VWA8: variants seen among roughly 807,000 people sequenced by gnomAD.
VWA8 encodes von Willebrand factor A domain containing 8.
In VWA8, 221 loss-of-function variants were observed where a neutral mutation model predicts 241.5. The observed-to-expected ratio is 0.91, with a 90% CI of 0.82 to 1.02. The LOEUF (loss-of-function observed/expected upper bound fraction) is 1.02. Among genes scored for constraint, VWA8 ranks in the 50% least tolerant of loss-of-function variants. The pLI, the probability that VWA8 is intolerant of heterozygous loss-of-function variation, is 0.00. For synonymous variants in VWA8, 852 were observed against 827.1 expected (o/e 1.03, Z -0.52); for missense variants, 2,322 against 2,328.7 (o/e 1.00, Z 0.06).
At chr13:41,842,611 C>G (rs185539557) in intron 12 of VWA8, among the ~76,000 whole-genome samples, 3 of 152,088 alleles carry the variant, frequency 2.0e-5, no homozygotes, top group Non-Finnish European at 4.4e-5. Context: ...GAAGTCAAAC[C>G]CACTATGTTG....
chr13:41,617,123 T>C (rs2044625978), intron 37 of VWA8, among the ~76,000 whole-genome samples: 1 of 152,112 alleles, frequency 6.6e-6, no homozygotes, highest in Admixed American at 6.5e-5. Flanking sequence ...ATACTATTTT[T>C]TTTTTTTCTT....
chr13:41,914,351 A>C, intron 2 of VWA8, among the ~76,000 whole-genome samples: 1 of 152,206 alleles, frequency 6.6e-6, no homozygotes, highest in East Asian at 1.9e-4. Context: ...CTTTTTAGCA[A>C]TCTATTAGGT....
intron 22 of VWA8, among the ~76,000 whole-genome samples, chr13:41,730,857 C>T (rs181889495): frequency 2.0e-5 from 3 of 151,746 alleles, no homozygotes; most frequent in Non-Finnish European, 4.4e-5. Context: ...TTATTTTAAA[C>T]CATATTTTTA....
At chr13:41,785,331 A>G (rs1203084689) in intron 18 of VWA8, among the ~76,000 whole-genome samples, 1 of 152,200 alleles carries the variant, frequency 6.6e-6, no homozygotes, top group Admixed American at 6.5e-5. Context: ...AAAACAATTT[A>G]GTCTAGTCTG....
chr13:41,820,315 C>T (rs1870896641), intron 14 of VWA8, among the ~76,000 whole-genome samples: 1 of 152,250 alleles, frequency 6.6e-6, no homozygotes, highest in South Asian at 2.1e-4. Flanking sequence ...TCACCATTAA[C>T]TATAACATTA....
chr13:41,569,713 G>GA (rs2044287443), intron 44 of VWA8, among the ~76,000 whole-genome samples: 1 of 149,990 alleles, frequency 6.7e-6, no homozygotes, highest in African/African-American at 2.5e-5. Flanking sequence ...TTTAAACACA[G>GA]AAAAACCATG....
chr13:41,829,330 T>A (rs1003175395), intron 14 of VWA8, among the ~76,000 whole-genome samples: 6 of 152,132 alleles, frequency 3.9e-5, no homozygotes, highest in African/African-American at 1.4e-4. Flanking sequence ...GAAAACAGTA[T>A]GGAGAGTCCT....
At chr13:41,767,399 C>T (rs2045786174) in intron 20 of VWA8, among the ~76,000 whole-genome samples, 1 of 152,130 alleles carries the variant, frequency 6.6e-6, no homozygotes, top group Admixed American at 6.5e-5. Context: ...CTTAGATTTG[C>T]TCATTTGAAT....
intron 30 of VWA8, 128 bp downstream of exon 30, chr13:41,692,734 A>G (rs1445066112): frequency 3.2e-6 from 2 of 625,054 alleles, no homozygotes; most frequent in Non-Finnish European, 2.8e-6. Context: ...CTATACGTGC[A>G]TAACAGGAAA....
intron 32 of VWA8, among the ~76,000 whole-genome samples, chr13:41,690,941 C>A (rs1334777896): frequency 6.6e-6 from 1 of 152,086 alleles, no homozygotes; most frequent in African/African-American, 2.4e-5. Context: ...GGTGTGAACT[C>A]TGTGAATTTA....
In VWA8 at chr13:41,703,421, AT is replaced by A. The variant is rs1304880496; in HGVS notation, c.3117-11del. On this transcript the variant is annotated splice_polypyrimidine_tract_variant and intron_variant, in intron 26 of 44. Transcript: ENST00000379310. Reference sequence around the variant, plus strand: ...TTCTGGCAGAGTCAACCTGTTAAGGATGATTTGCAAAGTAAATATTTCTTAT... The same window carrying A: ...TTCTGGCAGAGTCAACCTGTTAAGGAGATTTGCAAAGTAAATATTTCTTAT... 6.2e-7 allele frequency: 1 copy of A among 1,611,462 alleles called. No homozygotes were observed. The highest frequency in any genetic ancestry group is 8.5e-7 in the Non-Finnish European group (1 of 1,178,042).
At chr13:41,784,729 T>TATATATAC (rs772522331) in intron 18 of VWA8, among the ~76,000 whole-genome samples, 72 of 60,088 alleles carry the variant, frequency 1.2e-3, no homozygotes, top group African/African-American at 2.9e-3. Context: ...TATATATATA[T>TATATATAC]ACACACACAT....
chr13:41,690,310 T>A (rs550338337), intron 32 of VWA8, 35 bp from the exon 33 acceptor site: 1 of 1,568,564 alleles, frequency 6.4e-7, no homozygotes, highest in Admixed American at 1.8e-5. Flanking sequence ...TTAAGTGAAA[T>A]TTTTCTTTTT....
chr13:41,888,757 T>C (rs1393036240), intron 5 of VWA8, among the ~76,000 whole-genome samples: 4 of 152,244 alleles, frequency 2.6e-5, no homozygotes, highest in Non-Finnish European at 5.9e-5. Flanking sequence ...TTGAAAGGAC[T>C]TATTACCTCT....
intron 2 of VWA8, among the ~76,000 whole-genome samples, chr13:41,936,020 T>C (rs1033247870): frequency 2.0e-5 from 3 of 152,144 alleles, no homozygotes; most frequent in Admixed American, 6.5e-5. Context: ...TGTACATTTA[T>C]CCTTTTTTAG....
chr13:41,786,815 AT>A (rs780008809), intron 18 of VWA8, among the ~76,000 whole-genome samples: 2 of 152,130 alleles, frequency 1.3e-5, no homozygotes, highest in Non-Finnish European at 2.9e-5. Context: ...AGGTATTTAC[AT>A]TTTTAAAAAA....
chr13:41,732,003 T>A (rs9315861), intron 22 of VWA8, 77 bp downstream of exon 22: 413,941 of 1,251,132 alleles, frequency 0.33, 70,593 homozygotes, highest in Non-Finnish European at 0.35. Context: ...TCCATGAGAG[T>A]TCCATCCTCC....
chr13:41,948,006 G>C (rs914833392), intron 2 of VWA8, among the ~76,000 whole-genome samples: 1 of 146,008 alleles, frequency 6.8e-6, no homozygotes, highest in Non-Finnish European at 1.5e-5. Flanking sequence ...GAGTTACCAT[G>C]TGACCTAGCA....
chr13:41,604,024 TAAG>T (rs1365885490), intron 40 of VWA8, among the ~76,000 whole-genome samples: 1 of 152,146 alleles, frequency 6.6e-6, no homozygotes, highest in Non-Finnish European at 1.5e-5. Context: ...ATCGAGAACT[TAAG>T]AAGTGAGTGA....
Sources: gnomAD v4.1 joint callset for allele counts (sites outside exome capture counted in the v4.1 genomes callset) on GRCh38, gnomAD v4.1.1 for gene constraint, MANE v1.5 for transcripts, NCBI Gene and HGNC (gene_info 2026-07-23, HGNC 2026-07-21) for gene names.